The following SLCO3A1 variants were observed in gnomAD, a reference collection of about 807,000 sequenced individuals.
The protein encoded by SLCO3A1 is PGE1 transporter.
Under a neutral mutation model 63.1 loss-of-function variants are expected in SLCO3A1, and 27 were observed. The observed-to-expected ratio is 0.43, with a 90% CI of 0.32 to 0.59. SLCO3A1 has a LOEUF of 0.59. Ranked by LOEUF, SLCO3A1 falls within the 20% of genes least tolerant of loss-of-function variation. The probability of loss-of-function intolerance (pLI) is 0.09; values close to 1 mark genes in which losing one functional copy is unlikely to be tolerated. For missense variants in SLCO3A1, 773 were observed against 945.8 expected, an observed-to-expected ratio of 0.82 and a Z score of 2.40; for synonymous variants, 473 against 409.9, an observed-to-expected ratio of 1.15 and a Z score of -1.86.
In SLCO3A1 at chr15:91,882,124, A is replaced by C. The variant is rs1178541284; in HGVS notation, c.180+28036A>C. 6.6e-6 allele frequency among the ~76,000 whole-genome samples: 1 copy of C among 152,166 alleles called. No individual in the cohort carries two copies. Among genetic ancestry groups the C allele is most frequent in the Non-Finnish European group, 1.5e-5 (1 of 68,038 alleles). Reference sequence around the variant, plus strand: ...TAGAAGGGAAGCAGTGCATTCCAGGATCAGGCAGTATAAACAGTGCTTACC... The same window carrying C: ...TAGAAGGGAAGCAGTGCATTCCAGGCTCAGGCAGTATAAACAGTGCTTACC... On this transcript the variant is annotated intron_variant, in intron 1 of 9. Coordinates refer to ENST00000318445, the MANE Select transcript of SLCO3A1 (RefSeq NM_013272.4). The surrounding 1 kb of genome is among the most constrained non-coding windows in gnomAD (Gnocchi z 4.4).
At chr15:92,147,293 T>C in intron 8 of SLCO3A1, 134 bp downstream of exon 8, 1 of 801,724 alleles carries the variant, frequency 1.2e-6, no homozygotes. Context: ...GGAGCGCAGC[T>C]TCTCTAGGCT....
At chr15:92,008,669 G>T (rs545367661) in intron 2 of SLCO3A1, among the ~76,000 whole-genome samples, 1 of 152,244 alleles carries the variant, frequency 6.6e-6, no homozygotes, top group South Asian at 2.1e-4. Context: ...GAACATAAGG[G>T]TTTTATACAC....
chr15:92,032,897 G>A (rs1245290799), intron 2 of SLCO3A1, among the ~76,000 whole-genome samples: 2 of 138,570 alleles, frequency 1.4e-5, no homozygotes, highest in African/African-American at 5.2e-5. Context: ...GCTGGCAGCT[G>A]TGATAGGAAG....
At chr15:92,082,204 G>A (rs759266510) in intron 2 of SLCO3A1, among the ~76,000 whole-genome samples, 10 of 152,208 alleles carry the variant, frequency 6.6e-5, no homozygotes, top group Non-Finnish European at 1.2e-4. Flanking sequence ...GTGTATTGCA[G>A]GTTTCCTGCT....
At chr15:92,076,551 T>C (rs1320115656) in intron 2 of SLCO3A1, among the ~76,000 whole-genome samples, 1 of 152,188 alleles carries the variant, frequency 6.6e-6, no homozygotes, top group African/African-American at 2.4e-5. Context: ...AATCCACGGA[T>C]AGACAGTGCC....
intron 4 of SLCO3A1, among the ~76,000 whole-genome samples, chr15:92,105,455 G>A (rs144215342): frequency 1.3e-5 from 2 of 152,234 alleles, no homozygotes; most frequent in Non-Finnish European, 2.9e-5. Flanking sequence ...AAAAAAAAGT[G>A]CAACTTTTCT....
intron 2 of SLCO3A1, among the ~76,000 whole-genome samples, chr15:91,993,377 A>G (rs1417430808): frequency 6.6e-6 from 1 of 152,216 alleles, no homozygotes; most frequent in Non-Finnish European, 1.5e-5. Flanking sequence ...TTAAATGAAG[A>G]TGAAATTTGA....
Position 92,104,475 on chromosome 15 carries a change from C to T in SLCO3A1, c.942C>T (p.Pro314=), listed in dbSNP as rs1280361473. Residue 314 remains proline (P), a synonymous_variant, in exon 4 of 10, where the codon CCC becomes CCT. Coordinates refer to ENST00000318445, the MANE Select transcript of SLCO3A1 (RefSeq NM_013272.4). ...LSEREYERPK[P]SNGVLRHPLE... is the part of the protein sequence containing the mutation. ...AAAGAGAATACGAGAGACCCAAGCC[C>T]AGCAACGGGGTCCTGAGGCACCCCC... is the stretch of plus-strand genomic sequence containing the variant. 1.2e-6 allele frequency: 2 copies of T among 1,614,036 alleles called. No individual in the cohort carries two copies. The highest frequency in any genetic ancestry group is 1.3e-5 in the African/African-American group (1 of 74,922).
chr15:92,019,783 A>T (rs2046484697), intron 2 of SLCO3A1, among the ~76,000 whole-genome samples: 1 of 152,160 alleles, frequency 6.6e-6, no homozygotes, highest in African/African-American at 2.4e-5. Context: ...ATATGTACAG[A>T]GCCCAGCAGC....
chr15:91,957,125 A>AATATATATACTATATATT (rs1900261654), intron 2 of SLCO3A1, among the ~76,000 whole-genome samples: 1 of 8,746 alleles, frequency 1.1e-4, no homozygotes, highest in Non-Finnish European at 1.9e-4. Context: ...TAATATATAT[A>AATATATATACTATATATT]ATATATATAC....
intron 2 of SLCO3A1, among the ~76,000 whole-genome samples, chr15:91,989,885 G>T (rs1228310853): frequency 6.6e-6 from 1 of 152,144 alleles, no homozygotes; most frequent in African/African-American, 2.4e-5. Context: ...ATAATCACTT[G>T]GGGAAATATT....
At chr15:91,964,387 C>T (rs16946157) in intron 2 of SLCO3A1, among the ~76,000 whole-genome samples, 4 of 151,360 alleles carry the variant, frequency 2.6e-5, no homozygotes, top group Non-Finnish European at 5.9e-5. Context: ...TGTATTTGTT[C>T]GACTGACAGC....
intron 2 of SLCO3A1, among the ~76,000 whole-genome samples, chr15:91,970,877 G>T (rs1471347470): frequency 6.6e-6 from 1 of 152,088 alleles, no homozygotes; most frequent in African/African-American, 2.4e-5. Context: ...CAGATGAAGG[G>T]TGTGTGTGTT....
chr15:91,887,227 T>G (rs117105728), intron 1 of SLCO3A1, among the ~76,000 whole-genome samples: 1 of 152,294 alleles, frequency 6.6e-6, no homozygotes, highest in East Asian at 1.9e-4. Flanking sequence ...GCTTTCCTTT[T>G]CTCTTTAGAA....
intron 1 of SLCO3A1, among the ~76,000 whole-genome samples, chr15:91,880,170 C>CTGTCT: frequency 7.9e-6 from 1 of 126,272 alleles, no homozygotes; most frequent in African/African-American, 3.2e-5. Context: ...TCCATCCATC[C>CTGTCT]ATCTATCTAT....
intron 2 of SLCO3A1, among the ~76,000 whole-genome samples, chr15:91,921,018 G>A (rs528807739): frequency 1.1e-4 from 16 of 152,316 alleles, no homozygotes; most frequent in East Asian, 3.9e-4. Flanking sequence ...GGGATATGGC[G>A]TTGTATTAGT....
At position 92,020,386 on chromosome 15, in the gene SLCO3A1, T is replaced by A. The variant is rs534491837; in HGVS notation, c.647-74495T>A. Among the ~76,000 whole-genome samples the A allele has an allele frequency of 6.6e-5, 10 of 152,336 alleles. No homozygotes were observed. In the South Asian group the frequency reaches 1.9e-3, roughly 28 times the overall value. Reference sequence around the variant, plus strand: ...CTGTCAACTCAATGGATTAATAGTCTAATCTCAGCCAATTTGTTTGGCAGA... The same window carrying A: ...CTGTCAACTCAATGGATTAATAGTCAAATCTCAGCCAATTTGTTTGGCAGA... On this transcript the variant is annotated intron_variant, in intron 2 of 9. Coordinates refer to ENST00000318445, the MANE Select transcript of SLCO3A1 (RefSeq NM_013272.4).
At chr15:92,051,439 TG>T (rs2046956362) in intron 2 of SLCO3A1, among the ~76,000 whole-genome samples, 1 of 152,142 alleles carries the variant, frequency 6.6e-6, no homozygotes, top group Non-Finnish European at 1.5e-5. Context: ...GAATCATCAG[TG>T]CACAGGGAGG....
intron 2 of SLCO3A1, among the ~76,000 whole-genome samples, chr15:92,053,340 C>G (rs970147563): frequency 2.0e-5 from 3 of 152,312 alleles, no homozygotes; most frequent in South Asian, 2.1e-4. Context: ...GAGGATAGCA[C>G]AGAGAGTTCC....
Sources: gnomAD v4.1 joint callset for allele counts (sites outside exome capture counted in the v4.1 genomes callset) on GRCh38, gnomAD v4.1.1 for gene constraint, Gnocchi (gnomAD v3.1) non-coding constraint, MANE v1.5 for transcripts, NCBI Gene and HGNC (gene_info 2026-07-23, HGNC 2026-07-21) for gene names.